MAPKAP1: variants seen among roughly 807,000 people sequenced by gnomAD.
MAPKAP1 encodes target of rapamycin complex 2 subunit MAPKAP1.
Under a neutral mutation model 65.7 loss-of-function variants are expected in MAPKAP1, and 20 were observed. That is an observed-to-expected ratio of 0.30 (90% CI 0.21 to 0.44). The LOEUF (loss-of-function observed/expected upper bound fraction) is 0.44. MAPKAP1 is among the 20% of genes least tolerant of loss of function. The probability of loss-of-function intolerance (pLI) is 1.00; values close to 1 mark genes in which losing one functional copy is unlikely to be tolerated. For missense variants in MAPKAP1, 423 were observed against 648.0 expected, an observed-to-expected ratio of 0.65 and a Z score of 3.77; for synonymous variants, 222 against 244.3, an observed-to-expected ratio of 0.91 and a Z score of 0.85.
intron 8 of MAPKAP1, among the ~76,000 whole-genome samples, chr9:125,498,086 C>T (rs1472193701): frequency 6.6e-6 from 1 of 152,194 alleles, no homozygotes; most frequent in Non-Finnish European, 1.5e-5. Flanking sequence ...CAGCTTCTAG[C>T]AGGCATTTGG....
chr9:125,491,622 CA>C (rs910587782), intron 8 of MAPKAP1, among the ~76,000 whole-genome samples: 1 of 148,124 alleles, frequency 6.8e-6, no homozygotes. Context: ...ACAAAAAATA[CA>C]AAAAAAAAGC....
At chr9:125,580,385 A>T (rs1831581371) in intron 5 of MAPKAP1, among the ~76,000 whole-genome samples, 1 of 152,124 alleles carries the variant, frequency 6.6e-6, no homozygotes, top group Non-Finnish European at 1.5e-5. Context: ...TGTCTTTTGT[A>T]GGGACATGGA....
At chr9:125,597,248 G>C (rs1832161320) in intron 4 of MAPKAP1, among the ~76,000 whole-genome samples, 1 of 113,784 alleles carries the variant, frequency 8.8e-6, no homozygotes, top group South Asian at 3.0e-4. Flanking sequence ...CTGGACGACA[G>C]AGCGAGACTC....
At chr9:125,698,805 A>C (rs1291143201) in intron 1 of MAPKAP1, among the ~76,000 whole-genome samples, 3 of 152,208 alleles carry the variant, frequency 2.0e-5, no homozygotes, top group Non-Finnish European at 4.4e-5. Flanking sequence ...CTTGTTACTC[A>C]GCAGATCAAT....
At chr9:125,656,020 A>C (rs905974032) in intron 4 of MAPKAP1, among the ~76,000 whole-genome samples, 4 of 152,240 alleles carry the variant, frequency 2.6e-5, no homozygotes, top group African/African-American at 7.2e-5. Flanking sequence ...AGTAATTAAC[A>C]ATAAAGTCTA....
At chr9:125,521,624 T>C in intron 7 of MAPKAP1, 1 of 1,519,436 alleles carries the variant, frequency 6.6e-7, no homozygotes. Flanking sequence ...GAACAGACAG[T>C]AAATCCAGAG....
chr9:125,677,248 G>A (rs1834673647), intron 1 of MAPKAP1, among the ~76,000 whole-genome samples: 2 of 151,990 alleles, frequency 1.3e-5, no homozygotes, highest in Admixed American at 1.3e-4. Flanking sequence ...AGACCGACCT[G>A]GTCAACATGT....
intron 7 of MAPKAP1, among the ~76,000 whole-genome samples, chr9:125,525,340 G>A (rs150752153): frequency 1.9e-4 from 29 of 152,290 alleles, no homozygotes; most frequent in African/African-American, 3.1e-4. Context: ...TGAGGAAAAC[G>A]AAGTTCAAAC....
chr9:125,560,617 AT>A (rs909402178), intron 5 of MAPKAP1, among the ~76,000 whole-genome samples: 10 of 152,150 alleles, frequency 6.6e-5, no homozygotes, highest in African/African-American at 1.9e-4. Flanking sequence ...AAAAGAAAAT[AT>A]TTGTGCTCTA....
intron 7 of MAPKAP1, among the ~76,000 whole-genome samples, chr9:125,510,773 ATT>A (rs1829273013): frequency 6.6e-6 from 1 of 152,186 alleles, no homozygotes; most frequent in South Asian, 2.1e-4. Flanking sequence ...ATAAATCTGC[ATT>A]TCTCTCCATA....
chr9:125,627,592 CTTTTTTATTT>C (rs1014853097), intron 4 of MAPKAP1, among the ~76,000 whole-genome samples: 3 of 152,054 alleles, frequency 2.0e-5, no homozygotes, highest in African/African-American at 7.2e-5. Context: ...TCACCTAACT[CTTTTTTATTT>C]TTTTTAAGAG....
chr9:125,610,747 A>G (rs1191835375), intron 4 of MAPKAP1, among the ~76,000 whole-genome samples: 2 of 152,242 alleles, frequency 1.3e-5, no homozygotes, highest in Non-Finnish European at 2.9e-5. Context: ...GTATTATTTG[A>G]TGGACCAGAA....
chr9:125,586,010 G>C (rs1004571349), intron 4 of MAPKAP1, among the ~76,000 whole-genome samples: 1 of 152,162 alleles, frequency 6.6e-6, no homozygotes, highest in South Asian at 2.1e-4. Flanking sequence ...TTCATGTTTG[G>C]TGTTAGGAGG....
chr9:125,606,397 T>C (rs1209432283), intron 4 of MAPKAP1, among the ~76,000 whole-genome samples: 1 of 152,100 alleles, frequency 6.6e-6, no homozygotes, highest in African/African-American at 2.4e-5. Context: ...GAAGAAGAAA[T>C]GGGGTATAGT....
In MAPKAP1 at chr9:125,566,261, T is replaced by C. The variant is rs539214474; in HGVS notation, c.672-6452A>G. On this transcript the variant is annotated intron_variant, in intron 5 of 11. Transcript: ENST00000265960. Reference sequence around the variant, plus strand: ...ACACAGTCCAGACTCAAAACTATCCTACTACAACTTATAAGACTTCTTGCT... The same window carrying C: ...ACACAGTCCAGACTCAAAACTATCCCACTACAACTTATAAGACTTCTTGCT... 8.1e-4 allele frequency among the ~76,000 whole-genome samples: 123 copies of C among 152,308 alleles called. 1 individual carries two copies. Among genetic ancestry groups the C allele is most frequent in the African/African-American group, 2.8e-3 (117 of 41,562 alleles).
chr9:125,597,252 G>A (rs181936434), intron 4 of MAPKAP1, among the ~76,000 whole-genome samples: 3,940 of 124,930 alleles, frequency 0.032, 70 homozygotes, highest in Non-Finnish European at 0.045. Context: ...ACGACAGAGC[G>A]AGACTCCGTC....
At chr9:125,663,344 G>T (rs773409643) in intron 3 of MAPKAP1, among the ~76,000 whole-genome samples, 1 of 152,062 alleles carries the variant, frequency 6.6e-6, no homozygotes, top group Non-Finnish European at 1.5e-5. Flanking sequence ...CTCATCTCCC[G>T]ATATATGCAT....
In MAPKAP1 at chr9:125,704,190, C is replaced by A. The variant is rs979677186; in HGVS notation, c.-70+2781G>T. Among the ~76,000 whole-genome samples, 40 of 152,192 alleles carry A rather than the reference C, an allele frequency of 2.6e-4. 1 individual carries two copies. Among genetic ancestry groups the A allele is most frequent in the African/African-American group, 9.7e-4 (40 of 41,438 alleles). ...TGGTGTAGTAATGAAGAGTGCCGAT[C>A]TCAGTGTTCAGCAGATAATCCCCTC... On this transcript the variant is annotated intron_variant, in intron 1 of 11. Transcript: ENST00000265960.
chr9:125,464,871 G>A (rs901855072), intron 10 of MAPKAP1, among the ~76,000 whole-genome samples: 2 of 152,184 alleles, frequency 1.3e-5, no homozygotes, highest in African/African-American at 2.4e-5. Flanking sequence ...GCCTTATGAC[G>A]ACCAAATTAA....
Sources: gnomAD v4.1 joint callset for allele counts (sites outside exome capture counted in the v4.1 genomes callset) on GRCh38, gnomAD v4.1.1 for gene constraint, MANE v1.5 for transcripts, NCBI Gene and HGNC (gene_info 2026-07-23, HGNC 2026-07-21) for gene names.